The following SORCS2 variants were observed in gnomAD, a reference collection of about 807,000 sequenced individuals.
The protein encoded by SORCS2 is VPS10 domain-containing receptor SorCS2.
SORCS2 carries 100 observed loss-of-function variants against 141.6 expected under a neutral mutation model. That is an observed-to-expected ratio of 0.71 (90% CI 0.60 to 0.83). SORCS2 has a LOEUF of 0.83. Among genes scored for constraint, SORCS2 ranks in the 40% least tolerant of loss-of-function variants. SORCS2 has a pLI of 0.00. For missense variants in SORCS2, 1,646 were observed against 1,560.2 expected, an observed-to-expected ratio of 1.05 and a Z score of -0.93; for synonymous variants, 789 against 676.9, an observed-to-expected ratio of 1.17 and a Z score of -2.57.
chr4:7,305,098 C>G (rs1287037133), intron 1 of SORCS2, among the ~76,000 whole-genome samples: 1 of 148,968 alleles, frequency 6.7e-6, no homozygotes, highest in Admixed American at 6.7e-5. Context: ...AGTGAGTGAT[C>G]TCAGCTCACT....
intron 2 of SORCS2, among the ~76,000 whole-genome samples, chr4:7,518,320 G>C (rs1230199779): frequency 2.0e-5 from 3 of 152,118 alleles, no homozygotes; most frequent in Admixed American, 2.0e-4. Flanking sequence ...CCCAGTCTCT[G>C]GTCTGTAACT....
intron 3 of SORCS2, among the ~76,000 whole-genome samples, chr4:7,569,335 AC>A (rs1414349919): frequency 6.6e-6 from 1 of 152,106 alleles, no homozygotes; most frequent in Non-Finnish European, 1.5e-5. Context: ...ACATGGTGAA[AC>A]CCCGTCTCTA....
rs1199683642 is a variant in SORCS2 at position 7,246,336 on chromosome 4, T to G, written c.480+53210T>G. Among the ~76,000 whole-genome samples, 3 of 152,188 alleles carry G rather than the reference T, an allele frequency of 2.0e-5. No homozygotes were observed. The South Asian group carries it at 6.2e-4, about 31-fold the overall frequency. On this transcript the variant is annotated intron_variant, in intron 1 of 26. Coordinates refer to ENST00000507866, the MANE Select transcript of SORCS2 (RefSeq NM_020777.3). ...ACATCCGGATCCCTCCAGGGTGTTATTATGGCTTAAATGAACCCACAGATC... is the reference window on the plus strand; with the variant it reads ...ACATCCGGATCCCTCCAGGGTGTTAGTATGGCTTAAATGAACCCACAGATC...
intron 3 of SORCS2, 32 bp from the exon 4 acceptor site, chr4:7,638,290 CACCTGG>C: frequency 6.7e-7 from 1 of 1,489,880 alleles, no homozygotes; most frequent in East Asian, 2.6e-5. Flanking sequence ...GGGAGAGGGG[CACCTGG>C]CCCAGGCCTC....
intron 11 of SORCS2, 84 bp downstream of exon 11, chr4:7,689,672 C>A: frequency 2.3e-6 from 3 of 1,318,536 alleles, no homozygotes; most frequent in South Asian, 2.7e-5. Context: ...AAGGGATGGT[C>A]ATGAGCCTGA....
chr4:7,582,740 A>G (rs1052953564), intron 3 of SORCS2, among the ~76,000 whole-genome samples: 3 of 152,168 alleles, frequency 2.0e-5, no homozygotes, highest in African/African-American at 7.2e-5. Flanking sequence ...CTCTTTCTCT[A>G]TGGCCACACC....
chr4:7,554,165 A>G (rs1005328669), intron 3 of SORCS2, among the ~76,000 whole-genome samples: 1 of 152,160 alleles, frequency 6.6e-6, no homozygotes, highest in Non-Finnish European at 1.5e-5. Context: ...GGGGCACTAC[A>G]TATCATGGGG....
At chr4:7,517,627 G>A (rs1370789220) in intron 2 of SORCS2, among the ~76,000 whole-genome samples, 2 of 152,150 alleles carry the variant, frequency 1.3e-5, no homozygotes, top group African/African-American at 2.4e-5. Flanking sequence ...AAGAGTAAAC[G>A]GAGGCTCTCC....
chr4:7,580,989 C>G (rs1314131330), intron 3 of SORCS2, among the ~76,000 whole-genome samples: 1 of 151,954 alleles, frequency 6.6e-6, no homozygotes, highest in African/African-American at 2.4e-5. Context: ...AAAATCCTTA[C>G]AACAATCTTA....
At chr4:7,417,566 C>T (rs1725781047) in intron 2 of SORCS2, among the ~76,000 whole-genome samples, 1 of 152,180 alleles carries the variant, frequency 6.6e-6, no homozygotes, top group Non-Finnish European at 1.5e-5. Flanking sequence ...GTTTCTAATC[C>T]TGTTCTCCCA....
At chr4:7,739,102 G>T (rs1015291571) in intron 26 of SORCS2, among the ~76,000 whole-genome samples, 2 of 152,192 alleles carry the variant, frequency 1.3e-5, no homozygotes, top group African/African-American at 4.8e-5. Context: ...TGCGCCCACT[G>T]CACAGATGAG....
At chr4:7,611,982 G>T (rs985625582) in intron 3 of SORCS2, among the ~76,000 whole-genome samples, 2 of 152,256 alleles carry the variant, frequency 1.3e-5, no homozygotes, top group Non-Finnish European at 2.9e-5. Context: ...CCAGCTCTGG[G>T]CTCTGCCGTG....
chr4:7,597,721 A>G (rs900019726), intron 3 of SORCS2, among the ~76,000 whole-genome samples: 16 of 149,772 alleles, frequency 1.1e-4, no homozygotes, highest in Admixed American at 1.1e-3. Context: ...GGGAGAGGCT[A>G]TTGCAATGGA....
At chr4:7,603,524 T>C (rs1236435623) in intron 3 of SORCS2, among the ~76,000 whole-genome samples, 1 of 152,214 alleles carries the variant, frequency 6.6e-6, no homozygotes, top group Non-Finnish European at 1.5e-5. Flanking sequence ...AGAAACAATA[T>C]TTGGCTCATT....
chr4:7,571,239 G>A (rs1715371568), intron 3 of SORCS2, among the ~76,000 whole-genome samples: 1 of 152,234 alleles, frequency 6.6e-6, no homozygotes, highest in African/African-American at 2.4e-5. Context: ...CTTGTATTGG[G>A]TGCTGCAACC....
At chr4:7,216,325 C>G (rs1301672415) in intron 1 of SORCS2, among the ~76,000 whole-genome samples, 2 of 152,182 alleles carry the variant, frequency 1.3e-5, no homozygotes, top group East Asian at 3.9e-4. Context: ...ACTGCTCCAC[C>G]TGGGGTCTTC....
In SORCS2 at chr4:7,740,331, A is replaced by G. The variant is rs1481736965; in HGVS notation, c.*67A>G. ...AACCACCAGCAAAGCCGGCGGCTGG[A>G]CTGGCGCCCCTCAGAGACCTGCGGA... is the stretch of plus-strand genomic sequence containing the variant. On this transcript the variant is annotated 3_prime_UTR_variant, in exon 27 of 27. Coordinates refer to ENST00000507866, the MANE Select transcript of SORCS2 (RefSeq NM_020777.3). 1.4e-6 allele frequency: 2 copies of G among 1,449,764 alleles called. No homozygotes were observed. Among genetic ancestry groups the G allele is most frequent in the Non-Finnish European group, 1.9e-6 (2 of 1,052,512 alleles). 89.8% of individuals were successfully genotyped at this position (1,449,764 alleles called of 1,614,324 possible).
At chr4:7,222,787 GTGGGTGC>G (rs1255488619) in intron 1 of SORCS2, among the ~76,000 whole-genome samples, 2 of 152,090 alleles carry the variant, frequency 1.3e-5, no homozygotes, top group Non-Finnish European at 2.9e-5. Context: ...TGTGTGGGGT[GTGGGTGC>G]TGGGCACGGC....
At chr4:7,595,953 C>A (rs770866295) in intron 3 of SORCS2, among the ~76,000 whole-genome samples, 5 of 152,140 alleles carry the variant, frequency 3.3e-5, no homozygotes, top group African/African-American at 4.8e-5. Context: ...TGGGAACATG[C>A]CTGACAGCTG....
Sources: allele counts gnomAD v4.1 joint callset (sites outside exome capture counted in the v4.1 genomes callset), GRCh38; gene constraint gnomAD v4.1.1; transcripts MANE v1.5; gene names NCBI Gene and HGNC (gene_info 2026-07-23, HGNC 2026-07-21).